The following PCDHA9 variants were observed in gnomAD, a reference collection of about 807,000 sequenced individuals.
PCDHA9 encodes protocadherin alpha-9.
A neutral mutation model predicts 62.0 loss-of-function variants in PCDHA9; 62 were observed. That is an observed-to-expected ratio of 1.00 (90% CI 0.81 to 1.23). The LOEUF (loss-of-function observed/expected upper bound fraction) is 1.23, where lower values mean the gene tolerates loss of function less well. Ranked by LOEUF, PCDHA9 falls within the 50% of genes most tolerant of loss-of-function variation. PCDHA9 has a pLI of 0.00. For synonymous variants in PCDHA9, 557 were observed against 567.6 expected (o/e 0.98, Z 0.27); for missense variants, 1,205 against 1,249.8 (o/e 0.96, Z 0.54).
rs1228559116 is a variant in PCDHA9, at chr5:140,927,616, G to A, written c.2395-51333G>A. On this transcript the variant is annotated intron_variant, in intron 1 of 3. Coordinates refer to ENST00000532602, the MANE Select transcript of PCDHA9 (RefSeq NM_031857.2). ...TGAGCGCTCCGTATACCGCACCAAG[G>A]TTCCAGAGACTGCACCCAATGGGAC... 1.1e-5 allele frequency: 18 copies of A among 1,614,046 alleles called. No individual in the cohort carries two copies. Among genetic ancestry groups the A allele is most frequent in the Non-Finnish European group, 1.5e-5 (18 of 1,180,038 alleles).
rs111391918 is a variant in PCDHA9 at position 140,984,395 on chromosome 5, G to A, written c.2542+1832G>A. ...CCCTCTTTCAGATTCAAAAAATGTTGAGAACCTATCTTTTTTACAGAGATA... is the reference window on the plus strand; with the variant it reads ...CCCTCTTTCAGATTCAAAAAATGTTAAGAACCTATCTTTTTTACAGAGATA... On this transcript the variant is annotated intron_variant, in intron 3 of 3. Coordinates refer to ENST00000532602, the MANE Select transcript of PCDHA9 (RefSeq NM_031857.2). 6.4e-3 allele frequency among the ~76,000 whole-genome samples: 978 copies of A among 152,194 alleles called. 14 individuals are homozygous for A. Among genetic ancestry groups the A allele is most frequent in the African/African-American group, 0.023 (947 of 41,508 alleles).
At chr5:140,924,911 TAAAATA>T (rs1563069196) in intron 1 of PCDHA9, among the ~76,000 whole-genome samples, 7 of 59,704 alleles carry the variant, frequency 1.2e-4, no homozygotes, top group Non-Finnish European at 2.5e-4. Flanking sequence ...AAAAATAAAA[TAAAATA>T]AAATAAAATA....
At chr5:140,885,176 G>A (rs965470861) in intron 1 of PCDHA9, among the ~76,000 whole-genome samples, 1 of 151,510 alleles carries the variant, frequency 6.6e-6, no homozygotes. Context: ...TGTCCTCTAG[G>A]CACATCAGTG....
chr5:140,930,377 T>C (rs1480359985), intron 1 of PCDHA9: 1 of 152,198 alleles, frequency 6.6e-6, no homozygotes, highest in Non-Finnish European at 1.5e-5. Flanking sequence ...TAGTGGCCCT[T>C]GGCATTTCAA....
intron 3 of PCDHA9, among the ~76,000 whole-genome samples, chr5:140,983,328 T>G (rs1214241110): frequency 6.6e-6 from 1 of 152,218 alleles, no homozygotes; most frequent in East Asian, 1.9e-4. Flanking sequence ...ATTCTTGCCC[T>G]ATCACTAAAG....
chr5:140,896,467 G>A (rs191220082), intron 1 of PCDHA9, among the ~76,000 whole-genome samples: 1,607 of 151,540 alleles, frequency 0.011, 16 homozygotes, highest in African/African-American at 0.028. Context: ...GGTTCAAGCG[G>A]TTCTCCTGCC....
intron 3 of PCDHA9, among the ~76,000 whole-genome samples, chr5:140,990,611 G>A (rs577900189): frequency 6.6e-6 from 1 of 152,116 alleles, no homozygotes; most frequent in Non-Finnish European, 1.5e-5. Context: ...GATGAATACC[G>A]TAAAGGTCTG....
chr5:140,880,895 TAGAA>T (rs1421038707), intron 1 of PCDHA9, among the ~76,000 whole-genome samples: 2 of 152,090 alleles, frequency 1.3e-5, no homozygotes, highest in African/African-American at 4.8e-5. Context: ...TAGGGCCAGA[TAGAA>T]AGAATTAGAA....
intron 1 of PCDHA9, among the ~76,000 whole-genome samples, chr5:140,924,043 G>C (rs2081638586): frequency 6.6e-6 from 1 of 152,176 alleles, no homozygotes; most frequent in Non-Finnish European, 1.5e-5. Flanking sequence ...AGACCTAAAA[G>C]TTCGGTACAT....
At chr5:140,860,133 G>GTA (rs1366023813) in intron 1 of PCDHA9, 4 of 149,192 alleles carry the variant, frequency 2.7e-5, no homozygotes, top group Non-Finnish European at 5.9e-5. Flanking sequence ...GTGTGTGTGT[G>GTA]TATATATATG....
Position 141,009,940 on chromosome 5 carries a change from T to G in PCDHA9, c.*3T>G, listed in dbSNP as rs782531781. ...CGACTGACAACAGTGACCAGTGAGG[T>G]CCTCAAATGGAAACAAGCCACTTAG... On this transcript the variant is annotated 3_prime_UTR_variant, in exon 4 of 4. Transcript: ENST00000532602. 7 of 1,598,042 alleles carry G rather than the reference T, an allele frequency of 4.4e-6. No homozygotes were observed. The highest frequency in any genetic ancestry group is 4.3e-6 in the Non-Finnish European group (5 of 1,174,556).
At chr5:140,857,189 A>C (rs782018937) in intron 1 of PCDHA9, 1 of 1,598,598 alleles carries the variant, frequency 6.3e-7, no homozygotes, top group Non-Finnish European at 8.6e-7. Context: ...TTCAGGAGCC[A>C]ACGGACAGGT....
At chr5:140,947,252 T>A (rs1554218120) in intron 1 of PCDHA9, among the ~76,000 whole-genome samples, 1 of 151,596 alleles carries the variant, frequency 6.6e-6, no homozygotes, top group Non-Finnish European at 1.5e-5. Flanking sequence ...GATAATCCAA[T>A]GTACCATTTG....
At chr5:140,897,028 A>G (rs2065844542) in intron 1 of PCDHA9, among the ~76,000 whole-genome samples, 2 of 152,046 alleles carry the variant, frequency 1.3e-5, no homozygotes, top group Admixed American at 6.6e-5. Context: ...AATTATTTAG[A>G]CCATAGTCAC....
chr5:140,902,127 C>G (rs2069118126), intron 1 of PCDHA9, among the ~76,000 whole-genome samples: 1 of 150,418 alleles, frequency 6.6e-6, no homozygotes, highest in African/African-American at 2.4e-5. Context: ...GAGATTATAT[C>G]ATCTGCAAAC....
chr5:140,891,970 C>G (rs1554185021), intron 1 of PCDHA9, among the ~76,000 whole-genome samples: 1 of 152,170 alleles, frequency 6.6e-6, no homozygotes, highest in East Asian at 1.9e-4. Flanking sequence ...AGTAAATTTC[C>G]GTTCTCATAA....
chr5:140,982,014 C>A (rs546904836), intron 2 of PCDHA9, among the ~76,000 whole-genome samples: 1 of 152,152 alleles, frequency 6.6e-6, no homozygotes, highest in Admixed American at 6.5e-5. Context: ...AATTAGATAG[C>A]CAAATTGGAA....
At chr5:140,906,963 G>C (rs150934602) in intron 1 of PCDHA9, among the ~76,000 whole-genome samples, 2 of 152,216 alleles carry the variant, frequency 1.3e-5, no homozygotes, top group African/African-American at 4.8e-5. Context: ...TAATGGAATC[G>C]TGGTTGTGTC....
At chr5:140,982,691 C>G in intron 3 of PCDHA9, 128 bp downstream of exon 3, 1 of 1,408,152 alleles carries the variant, frequency 7.1e-7, no homozygotes, top group Non-Finnish European at 9.3e-7. Flanking sequence ...TTTTTCCATA[C>G]ATACATGATT....
Sources: gnomAD v4.1 joint callset for allele counts (sites outside exome capture counted in the v4.1 genomes callset) on GRCh38, gnomAD v4.1.1 for gene constraint, MANE v1.5 for transcripts, NCBI Gene and HGNC (gene_info 2026-07-23, HGNC 2026-07-21) for gene names.